Variants in FBN2 observed in about 807,000 individuals in gnomAD.
FBN2 encodes fibrillin-2.
A neutral mutation model predicts 355.6 loss-of-function variants in FBN2; 105 were observed. The observed-to-expected ratio is 0.30, with a 90% confidence interval of 0.25 to 0.35. The LOEUF (loss-of-function observed/expected upper bound fraction) is 0.35. Ranked by LOEUF, FBN2 falls within the 10% of genes least tolerant of loss-of-function variation. The pLI is 1.00. For synonymous variants in FBN2, 1,350 were observed against 1,301.2 expected (o/e 1.04, Z -0.81); for missense variants, 3,280 against 3,758.7 (o/e 0.87, Z 3.33).
chr5:128,440,515 C>G (rs1182780074), intron 7 of FBN2, among the ~76,000 whole-genome samples: 1 of 152,116 alleles, frequency 6.6e-6, no homozygotes, highest in Non-Finnish European at 1.5e-5. Flanking sequence ...TGAGAACTCA[C>G]TCACTATCAC....
At position 128,301,632 on chromosome 5, in the gene FBN2, C is replaced by T. The variant is rs1458502140; in HGVS notation, c.5918-122G>A. ...TATAAGAAATCCCATATTACAACTCCTCATCAACAGAGAAAAATGGCACAT... is the reference window on the plus strand; with the variant it reads ...TATAAGAAATCCCATATTACAACTCTTCATCAACAGAGAAAAATGGCACAT... On this transcript the variant is annotated intron_variant, in intron 46 of 64. Transcript: ENST00000262464. 5.5e-6 allele frequency: 5 copies of T among 912,714 alleles called. No homozygotes were observed. The East Asian group carries it at 7.4e-5, about 13-fold the overall frequency. 56.5% of individuals were successfully genotyped at this position (912,714 alleles called of 1,614,324 possible).
At chr5:128,268,420 A>G (rs1284680939) in intron 62 of FBN2, among the ~76,000 whole-genome samples, 5 of 152,224 alleles carry the variant, frequency 3.3e-5, no homozygotes, top group African/African-American at 1.2e-4. Context: ...GACCAGATGG[A>G]TTCTCAGCAG....
intron 22 of FBN2, among the ~76,000 whole-genome samples, 195 bp downstream of exon 22, chr5:128,349,760 A>G (rs539545483): frequency 3.9e-5 from 6 of 152,336 alleles, no homozygotes; most frequent in African/African-American, 1.4e-4. Context: ...ACAACTCCAT[A>G]AAGAGGAGAA....
chr5:128,316,979 C>A (rs1750218099), intron 36 of FBN2, among the ~76,000 whole-genome samples: 1 of 152,124 alleles, frequency 6.6e-6, no homozygotes, highest in Non-Finnish European at 1.5e-5. Flanking sequence ...GGCGACTGCT[C>A]CTCTGATTCC....
chr5:128,269,584 C>A (rs1490964748), intron 62 of FBN2, among the ~76,000 whole-genome samples: 1 of 152,030 alleles, frequency 6.6e-6, no homozygotes, highest in Admixed American at 6.6e-5. Flanking sequence ...TATACACCAA[C>A]AATAGACAAG....
chr5:128,261,151 GGGA>G (rs1764953512), intron 64 of FBN2, among the ~76,000 whole-genome samples: 1 of 152,158 alleles, frequency 6.6e-6, no homozygotes, highest in African/African-American at 2.4e-5. Context: ...GGGAGGGCCA[GGGA>G]GTTACGTTCA....
At chr5:128,313,347 A>G (rs961054871) in intron 36 of FBN2, among the ~76,000 whole-genome samples, 1 of 152,168 alleles carries the variant, frequency 6.6e-6, no homozygotes, top group African/African-American at 2.4e-5. Context: ...ATGGTTCTGT[A>G]TCTCATCTCT....
intron 47 of FBN2, 138 bp from the exon 48 acceptor site, chr5:128,301,074 A>G: frequency 3.8e-6 from 3 of 788,484 alleles, no homozygotes; most frequent in Non-Finnish European, 6.3e-6. Context: ...AAATATTACC[A>G]AAGATACTCT....
At chr5:128,410,412 AAAG>A (rs908781760) in intron 7 of FBN2, among the ~76,000 whole-genome samples, 91 of 152,334 alleles carry the variant, frequency 6.0e-4, no homozygotes, top group African/African-American at 2.0e-3. Context: ...AAAAGAAAGA[AAAG>A]AAGGATACAA....
intron 14 of FBN2, among the ~76,000 whole-genome samples, chr5:128,375,866 T>G (rs1752065106): frequency 6.6e-6 from 1 of 152,000 alleles, no homozygotes; most frequent in African/African-American, 2.4e-5. Flanking sequence ...TGAGACCTCA[T>G]TTCCACAAAA....
chr5:128,385,737 T>C (rs1246584621), intron 11 of FBN2, among the ~76,000 whole-genome samples: 1 of 152,158 alleles, frequency 6.6e-6, no homozygotes, highest in Non-Finnish European at 1.5e-5. Context: ...CCATTTTGAC[T>C]GGTATAATAT....
At chr5:128,350,802 A>G (rs754607499) in intron 21 of FBN2, 66 bp downstream of exon 21, 15 of 1,566,832 alleles carry the variant, frequency 9.6e-6, no homozygotes, top group Non-Finnish European at 1.3e-5. Context: ...GCGTAGTGAA[A>G]GAGGTGTCCT....
chr5:128,434,448 C>A (rs972381512), intron 7 of FBN2, among the ~76,000 whole-genome samples: 1 of 113,324 alleles, frequency 8.8e-6, no homozygotes, highest in Non-Finnish European at 1.7e-5. Flanking sequence ...ACAGCACTGG[C>A]GAGAACTGCA....
Position 128,289,154 on chromosome 5 carries a change from G to C in FBN2, c.6610C>G (p.Leu2204Val), listed in dbSNP as rs201541140. 7 of 1,613,944 alleles carry C rather than the reference G, an allele frequency of 4.3e-6. No homozygotes were observed. The Admixed American group carries it at 8.3e-5, about 19-fold the overall frequency. ...FRCECPMGYN[L>V]DYTGVRCVDT... The stretch of plus-strand genomic sequence containing the variant: ...ACACAGCGTACTCCAGTGTAGTCAA[G>C]GTTGTAGCCCATTGGACATTCACAG... The change falls in exon 52 of 65, where the codon CTT becomes GTT. Residue 2204 changes from leucine (L) to valine (V), a missense_variant. Leu to Val is a conservative substitution (Grantham distance 32). Coordinates refer to ENST00000262464, the MANE Select transcript of FBN2 (RefSeq NM_001999.4).
At chr5:128,337,531 C>G (rs1363608499) in intron 27 of FBN2, among the ~76,000 whole-genome samples, 1 of 152,186 alleles carries the variant, frequency 6.6e-6, no homozygotes, top group African/African-American at 2.4e-5. Flanking sequence ...CCCTACAGAG[C>G]TCAGGGCAAA....
At chr5:128,476,005 A>G (rs1456360352) in intron 5 of FBN2, among the ~76,000 whole-genome samples, 1 of 152,188 alleles carries the variant, frequency 6.6e-6, no homozygotes, top group South Asian at 2.1e-4. Context: ...TCAATTTGGG[A>G]CCAGGATGAG....
chr5:128,471,030 G>A (rs1450260568), intron 5 of FBN2, among the ~76,000 whole-genome samples: 1 of 152,090 alleles, frequency 6.6e-6, no homozygotes, highest in Non-Finnish European at 1.5e-5. Flanking sequence ...TAAAAATGTA[G>A]GATTTCCTAT....
chr5:128,363,293 C>A (rs993990581), intron 18 of FBN2, among the ~76,000 whole-genome samples: 1 of 152,036 alleles, frequency 6.6e-6, no homozygotes, highest in African/African-American at 2.4e-5. Context: ...CGGGTTCCAG[C>A]GATTCTCCTG....
chr5:128,439,120 T>C (rs1753850974), intron 7 of FBN2, among the ~76,000 whole-genome samples: 1 of 152,216 alleles, frequency 6.6e-6, no homozygotes, highest in South Asian at 2.1e-4. Flanking sequence ...ACTGTGTGCA[T>C]GTTTTTAATT....
Sources: allele counts gnomAD v4.1 joint callset (sites outside exome capture counted in the v4.1 genomes callset), GRCh38; gene constraint gnomAD v4.1.1; transcripts MANE v1.5; gene names NCBI Gene and HGNC (gene_info 2026-07-23, HGNC 2026-07-21).